Variants in THSD7B observed in about 807,000 individuals in gnomAD.
THSD7B encodes thrombospondin type-1 domain-containing protein 7B.
Under a neutral mutation model 213.6 loss-of-function variants are expected in THSD7B, and 138 were observed. That is an observed-to-expected ratio of 0.65 (90% CI 0.56 to 0.74). The LOEUF is 0.74. Among genes scored for constraint, THSD7B ranks in the 30% least tolerant of loss-of-function variants. THSD7B has a pLI of 0.00. For synonymous variants in THSD7B, 742 were observed against 687.0 expected (o/e 1.08, Z -1.25); for missense variants, 1,931 against 1,991.5 (o/e 0.97, Z 0.58).
chr2:137,217,917 G>A (rs1681284650), intron 7 of THSD7B, among the ~76,000 whole-genome samples: 1 of 152,092 alleles, frequency 6.6e-6, no homozygotes, highest in South Asian at 2.1e-4. Flanking sequence ...CCCTCCATTT[G>A]TTATGTCTCA....
At chr2:137,604,578 A>C (rs1573738272) in intron 17 of THSD7B, among the ~76,000 whole-genome samples, 1 of 152,304 alleles carries the variant, frequency 6.6e-6, no homozygotes, top group South Asian at 2.1e-4. Context: ...AAAATTGCTT[A>C]TCTGGAAAAA....
chr2:137,546,562 C>A (rs1680744987), intron 15 of THSD7B, among the ~76,000 whole-genome samples: 1 of 127,852 alleles, frequency 7.8e-6, no homozygotes, highest in Non-Finnish European at 1.6e-5. Context: ...TTCTTTCTTT[C>A]TCTCTTTCTT....
At chr2:136,931,718 A>G (rs1017241347) in intron 2 of THSD7B, among the ~76,000 whole-genome samples, 3 of 152,212 alleles carry the variant, frequency 2.0e-5, no homozygotes, top group African/African-American at 7.2e-5. Flanking sequence ...TATAATCCAT[A>G]TAACAGTCCA....
chr2:136,771,212 T>C (rs1297348337), intron 1 of THSD7B, among the ~76,000 whole-genome samples: 1 of 152,180 alleles, frequency 6.6e-6, no homozygotes, highest in African/African-American at 2.4e-5. Context: ...ATATTGTTAG[T>C]AGGGCTTTCA....
rs549965399 is a variant in THSD7B, at chr2:137,585,808, A to G, written c.3423+13252A>G. Among the ~76,000 whole-genome samples, 7 of 152,268 alleles carry G rather than the reference A, an allele frequency of 4.6e-5. No homozygotes were observed. The East Asian group carries it at 1.2e-3, about 25-fold the overall frequency. ...TGCGGTGTGGTTCTGAGAAGAATGT[A>G]TATTCTGTTGATTTGAGGTGGAGAG... On this transcript the variant is annotated intron_variant, in intron 17 of 27. Transcript: ENST00000409968.
At chr2:136,779,069 T>C (rs1218627972) in intron 1 of THSD7B, among the ~76,000 whole-genome samples, 3 of 152,176 alleles carry the variant, frequency 2.0e-5, no homozygotes, top group Non-Finnish European at 4.4e-5. Flanking sequence ...GTTTATAATA[T>C]ATTACAGTTT....
intron 17 of THSD7B, among the ~76,000 whole-genome samples, chr2:137,614,236 A>G (rs1238657806): frequency 6.6e-6 from 1 of 152,178 alleles, no homozygotes; most frequent in East Asian, 1.9e-4. Context: ...ATGGACTGTG[A>G]GATCTGAGGA....
At chr2:137,331,699 T>C (rs982855605) in intron 12 of THSD7B, among the ~76,000 whole-genome samples, 1 of 151,960 alleles carries the variant, frequency 6.6e-6, no homozygotes, top group African/African-American at 2.4e-5. Flanking sequence ...CAGGAGCCCA[T>C]GGAGGGGGTG....
chr2:137,558,537 T>G (rs1681035931), intron 15 of THSD7B, among the ~76,000 whole-genome samples: 1 of 152,182 alleles, frequency 6.6e-6, no homozygotes, highest in African/African-American at 2.4e-5. Flanking sequence ...AAACTCTCAA[T>G]AAACTAGATA....
intron 7 of THSD7B, among the ~76,000 whole-genome samples, chr2:137,197,867 A>G (rs1680796952): frequency 6.6e-6 from 1 of 152,192 alleles, no homozygotes; most frequent in Non-Finnish European, 1.5e-5. Context: ...GAATAGGACC[A>G]TGTCTTCAGG....
rs1277723785 is a variant in THSD7B at position 137,572,298 on chromosome 2, CTTATG to C, written c.3273-103_3273-99del. ...TGTTCCCCTTGGTTTCTGTGCTGGTCTTATGTTATATTTAACTATCGTCAGTTACT... is the reference window on the plus strand; with the variant it reads ...TGTTCCCCTTGGTTTCTGTGCTGGTCTTATATTTAACTATCGTCAGTTACT... On this transcript the variant is annotated intron_variant, in intron 16 of 27. Coordinates refer to ENST00000409968, the MANE Select transcript of THSD7B (RefSeq NM_001316349.2). The C allele has an allele frequency of 2.2e-6, 3 of 1,345,788 alleles. No individual in the cohort carries two copies. The African/African-American group carries it at 4.4e-5, about 20-fold the overall frequency. 83.4% of individuals were successfully genotyped at this position (1,345,788 alleles called of 1,614,324 possible).
chr2:137,507,169 T>C (rs1483869785), intron 15 of THSD7B, among the ~76,000 whole-genome samples: 1 of 152,138 alleles, frequency 6.6e-6, no homozygotes, highest in Non-Finnish European at 1.5e-5. Flanking sequence ...CAATGACAGC[T>C]AGCAATGGGA....
chr2:137,455,109 G>A (rs1210943252), intron 15 of THSD7B, among the ~76,000 whole-genome samples: 1 of 152,072 alleles, frequency 6.6e-6, no homozygotes, highest in Non-Finnish European at 1.5e-5. Flanking sequence ...AGAATATGAG[G>A]TCTTTTTGAG....
chr2:137,662,149 G>A (rs924562246), intron 25 of THSD7B, among the ~76,000 whole-genome samples: 8 of 143,264 alleles, frequency 5.6e-5, no homozygotes, highest in Admixed American at 2.2e-4. Context: ...TGCAACCACC[G>A]CCTCCTGGGT....
chr2:137,267,988 T>C (rs1682636247), intron 10 of THSD7B, among the ~76,000 whole-genome samples: 1 of 152,176 alleles, frequency 6.6e-6, no homozygotes, highest in African/African-American at 2.4e-5. Flanking sequence ...CAAACCATGA[T>C]ATTGGGGGCT....
Position 137,563,256 on chromosome 2 carries a change from T to A in THSD7B, c.3174T>A (p.Asn1058Lys), listed in dbSNP as rs1464974690. 2 of 1,613,440 alleles carry A rather than the reference T, an allele frequency of 1.2e-6. No homozygotes were observed. Among genetic ancestry groups the A allele is most frequent in the East Asian group, 4.5e-5 (2 of 44,874 alleles). Reference sequence around the variant, plus strand: ...CAGTCCCATGTTACAGTGAGTGCAATCAGTATTCCTGGGTTGTAGAACACT... The same window carrying A: ...CAGTCCCATGTTACAGTGAGTGCAAACAGTATTCCTGGGTTGTAGAACACT... ...HEAVPCYSECNQYSWVVEHWS... is the reference protein window; with the variant it reads ...HEAVPCYSECKQYSWVVEHWS... Residue 1058 changes from asparagine to lysine, a missense_variant, in exon 16 of 28, where the codon AAT becomes AAA. Physicochemically the swap from Asn to Lys is moderately conservative, Grantham distance 94. Transcript: ENST00000409968.
chr2:136,871,950 A>G (rs1683437189), intron 1 of THSD7B, among the ~76,000 whole-genome samples: 2 of 152,140 alleles, frequency 1.3e-5, no homozygotes, highest in Non-Finnish European at 1.5e-5. Flanking sequence ...TCATGTATTA[A>G]TCCTGTTTCT....
intron 17 of THSD7B, among the ~76,000 whole-genome samples, chr2:137,587,445 T>C (rs931130599): frequency 1.3e-5 from 2 of 152,156 alleles, no homozygotes; most frequent in Admixed American, 1.3e-4. Context: ...TTCTGCTCTG[T>C]TTTTTCCCCA....
At chr2:136,895,052 A>G (rs931673657) in intron 2 of THSD7B, among the ~76,000 whole-genome samples, 1 of 152,232 alleles carries the variant, frequency 6.6e-6, no homozygotes, top group African/African-American at 2.4e-5. Context: ...AGATGGGTCC[A>G]TATGATTGAC....
Sources: allele counts gnomAD v4.1 joint callset (sites outside exome capture counted in the v4.1 genomes callset), GRCh38; gene constraint gnomAD v4.1.1; transcripts MANE v1.5; gene names NCBI Gene and HGNC (gene_info 2026-07-23, HGNC 2026-07-21).